DOCK4: variants seen among roughly 807,000 people sequenced by gnomAD.
DOCK4 encodes dedicator of cytokinesis protein 4.
In DOCK4, 97 loss-of-function variants were observed where a neutral mutation model predicts 268.1. The ratio of observed to expected loss-of-function variants is 0.36; its 90% confidence interval spans 0.31 to 0.43. DOCK4 has a LOEUF of 0.43. DOCK4 is among the 20% of genes least tolerant of loss of function. The probability of loss-of-function intolerance (pLI) is 1.00; values close to 1 mark genes in which losing one functional copy is unlikely to be tolerated. For missense variants in DOCK4, 2,145 were observed against 2,455.7 expected (o/e 0.87, Z 2.67); for synonymous variants, 954 against 887.2 (o/e 1.08, Z -1.34).
At chr7:112,010,893 G>A (rs1371081703) in intron 1 of DOCK4, among the ~76,000 whole-genome samples, 1 of 152,160 alleles carries the variant, frequency 6.6e-6, no homozygotes, top group Admixed American at 6.5e-5. Context: ...GCTCTCCCAG[G>A]GATTGCAGAA....
intron 12 of DOCK4, among the ~76,000 whole-genome samples, chr7:111,931,502 C>G (rs1185217356): frequency 1.3e-5 from 2 of 152,140 alleles, no homozygotes; most frequent in African/African-American, 4.8e-5. Context: ...CCCAAGGAAA[C>G]AGAATGTGCT....
intron 51 of DOCK4, among the ~76,000 whole-genome samples, chr7:111,733,627 CCAT>C (rs1437532885): frequency 6.6e-6 from 1 of 152,156 alleles, no homozygotes; most frequent in Non-Finnish European, 1.5e-5. Flanking sequence ...GCTGACACCA[CCAT>C]GGTGGCCCCT....
At chr7:111,807,087 T>C (rs1344636362) in intron 30 of DOCK4, among the ~76,000 whole-genome samples, 4 of 152,314 alleles carry the variant, frequency 2.6e-5, no homozygotes, top group Middle Eastern at 3.4e-3. Flanking sequence ...GAAATAACCA[T>C]AGATGGCAAT....
At chr7:111,990,942 C>T (rs774595132) in intron 5 of DOCK4, among the ~76,000 whole-genome samples, 2 of 152,154 alleles carry the variant, frequency 1.3e-5, no homozygotes, top group Non-Finnish European at 2.9e-5. Context: ...ACAGGCGATA[C>T]AAACACTTGA....
At chr7:111,946,158 CT>C (rs2134824006) in intron 8 of DOCK4, among the ~76,000 whole-genome samples, 1 of 152,228 alleles carries the variant, frequency 6.6e-6, no homozygotes, top group African/African-American at 2.4e-5. Context: ...ACTAAGATTT[CT>C]TTTTCATGTT....
intron 25 of DOCK4, among the ~76,000 whole-genome samples, chr7:111,837,257 AC>A (rs1803310085): frequency 6.6e-6 from 1 of 152,110 alleles, no homozygotes. Context: ...AGGAAAAAAA[AC>A]CCCAAAAACT....
At chr7:112,197,932 A>AACC (rs1820599358) in intron 1 of DOCK4, among the ~76,000 whole-genome samples, 1 of 151,372 alleles carries the variant, frequency 6.6e-6, no homozygotes, top group Admixed American at 6.6e-5. Flanking sequence ...AAGGTGGCCA[A>AACC]ACAAAAATCT....
Position 111,728,383 on chromosome 7 carries a change from A to G in DOCK4, c.5819T>C (p.Leu1940Pro). The G allele has an allele frequency of 1.3e-6, 2 of 1,543,988 alleles. No individual in the cohort carries two copies. The highest frequency in any genetic ancestry group is 8.7e-7 in the Non-Finnish European group (1 of 1,145,318). The stretch of plus-strand genomic sequence containing the variant: ...TCGCGCTGCCAGAGGCTTGGGGGGC[A>G]GCGCGGGCGGCTCCGACGTGACGGG... ...SIPVTSEPPA[L>P]PPKPLAARSS... The change falls in exon 53 of 53, where the codon CTG (leucine) becomes CCG (proline). Residue 1940 changes from leucine to proline, a missense_variant. Physicochemically the swap from Leu to Pro is moderately conservative, Grantham distance 98 (BLOSUM62 -3). Transcript: ENST00000428084.
At chr7:111,935,903 A>G (rs190719758) in intron 11 of DOCK4, among the ~76,000 whole-genome samples, 1 of 152,322 alleles carries the variant, frequency 6.6e-6, no homozygotes. Flanking sequence ...CAGAAATCTC[A>G]GAGAACAATG....
At chr7:111,786,541 T>C (rs1438081696) in intron 32 of DOCK4, among the ~76,000 whole-genome samples, 1 of 152,136 alleles carries the variant, frequency 6.6e-6, no homozygotes, top group African/African-American at 2.4e-5. Context: ...TAGGGAAAGA[T>C]GAGTTGAGTT....
In DOCK4 at chr7:111,952,588, G is replaced by C. The variant is rs192924616; in HGVS notation, c.702-6790C>G. On this transcript the variant is annotated intron_variant, in intron 8 of 52. Coordinates refer to ENST00000428084, the MANE Select transcript of DOCK4 (RefSeq NM_001363540.2). ...AAGTAAAACTGTCTAGTGATTCAATGAGCATGAAAGTTACACAACATGTAC... is the reference window on the plus strand; with the variant it reads ...AAGTAAAACTGTCTAGTGATTCAATCAGCATGAAAGTTACACAACATGTAC... 2.0e-5 allele frequency among the ~76,000 whole-genome samples: 3 copies of C among 152,270 alleles called. No homozygotes were observed. The East Asian group carries it at 5.8e-4, about 29-fold the overall frequency.
rs1276088148 is a variant in DOCK4, at chr7:111,809,295, A to C, written c.3107+6T>G. 1 of 1,547,270 alleles carries C rather than the reference A, an allele frequency of 6.5e-7. No individual in the cohort carries two copies. The highest frequency in any genetic ancestry group is 2.0e-5 in the Admixed American group (1 of 51,194). On this transcript the variant is annotated splice_donor_region_variant and intron_variant, in intron 29 of 52. Transcript: ENST00000428084. ...ATTTCTCACCTGATTATACACTGAT[A>C]CTTACTTTTCTAACACCTTTTTCTT...
chr7:112,066,521 T>C (rs539634044), intron 1 of DOCK4, among the ~76,000 whole-genome samples: 2 of 149,002 alleles, frequency 1.3e-5, no homozygotes, highest in South Asian at 2.1e-4. Flanking sequence ...TCTATATATA[T>C]ACACACACAC....
chr7:111,947,788 A>G (rs932847967), intron 8 of DOCK4, among the ~76,000 whole-genome samples: 6 of 152,098 alleles, frequency 3.9e-5, no homozygotes, highest in Non-Finnish European at 1.5e-5. Flanking sequence ...CAGTGGCACA[A>G]TCTCGGCTCA....
intron 26 of DOCK4, among the ~76,000 whole-genome samples, chr7:111,829,913 G>T (rs1001510292): frequency 2.0e-5 from 3 of 152,002 alleles, no homozygotes; most frequent in Admixed American, 1.3e-4. Context: ...TGAATATTTT[G>T]TATCACTCTA....
chr7:111,959,397 G>A (rs1294423245), intron 8 of DOCK4, among the ~76,000 whole-genome samples: 1 of 152,122 alleles, frequency 6.6e-6, no homozygotes, highest in Non-Finnish European at 1.5e-5. Flanking sequence ...GCTACAAAAA[G>A]GGATCTATGC....
At chr7:111,886,797 G>C (rs1026991634) in intron 16 of DOCK4, among the ~76,000 whole-genome samples, 2 of 152,142 alleles carry the variant, frequency 1.3e-5, no homozygotes, top group Admixed American at 6.5e-5. Flanking sequence ...TAACAGAATT[G>C]TACCCAGATT....
intron 8 of DOCK4, among the ~76,000 whole-genome samples, chr7:111,955,051 G>C (rs1485538111): frequency 6.6e-6 from 1 of 152,152 alleles, no homozygotes; most frequent in Non-Finnish European, 1.5e-5. Flanking sequence ...ATTGCTGACT[G>C]TTTTATGATA....
intron 1 of DOCK4, among the ~76,000 whole-genome samples, chr7:112,180,102 C>CG (rs35439075): frequency 0.2 from 29,893 of 151,990 alleles, 3,328 homozygotes; most frequent in African/African-American, 0.3. Flanking sequence ...AAGTCAACTA[C>CG]GGTTTAGCTG....
Sources: allele counts gnomAD v4.1 joint callset (sites outside exome capture counted in the v4.1 genomes callset), GRCh38; gene constraint gnomAD v4.1.1; transcripts MANE v1.5; gene names NCBI Gene and HGNC (gene_info 2026-07-23, HGNC 2026-07-21).